Variants in TENM1 observed in about 807,000 individuals in gnomAD.
TENM1 encodes teneurin transmembrane protein 1, also known as teneurin-1.
Under a neutral mutation model 174.8 loss-of-function variants are expected in TENM1, and 35 were observed. The ratio of observed to expected loss-of-function variants is 0.20; its 90% CI spans 0.15 to 0.27. TENM1 has a LOEUF of 0.27. Ranked by LOEUF, TENM1 falls within the 10% of genes least tolerant of loss-of-function variation. TENM1 has a pLI of 1.00. For synonymous variants in TENM1, 781 were observed against 798.7 expected (o/e 0.98, Z 0.37); for missense variants, 1,633 against 2,130.1 (o/e 0.77, Z 4.59).
the TENM1 span, among the ~76,000 whole-genome samples, chrX:125,073,175 G>A: frequency 1.8e-5 from 2 of 110,920 alleles, no homozygotes; most frequent in African/African-American, 6.5e-5. Flanking sequence ...GAAAGAACCC[G>A]ATAACTTATG....
chrX:124,945,016 G>A (rs955344343), intron 1 of TENM1, among the ~76,000 whole-genome samples: 1 of 110,444 alleles, frequency 9.1e-6, no homozygotes, highest in African/African-American at 3.3e-5. Flanking sequence ...AAATCATATG[G>A]TCACCTAAAT....
At chrX:124,567,488 G>A (rs1233580065) in intron 11 of TENM1, among the ~76,000 whole-genome samples, 2 of 111,599 alleles carry the variant, frequency 1.8e-5, no homozygotes, top group Non-Finnish European at 3.8e-5. Context: ...AGTAAGGCAC[G>A]GGCAGAGAAG....
At chrX:125,094,654 G>A in the TENM1 span, among the ~76,000 whole-genome samples, 1 of 111,901 alleles carries the variant, frequency 8.9e-6, no homozygotes, top group Non-Finnish European at 1.9e-5. Context: ...AGCCCAATGT[G>A]GTGTTATGAT....
chrX:124,483,966 C>T (rs1013116367), intron 21 of TENM1, among the ~76,000 whole-genome samples: 3 of 111,638 alleles, frequency 2.7e-5, no homozygotes, highest in African/African-American at 9.8e-5. Context: ...TAGTTTTTAC[C>T]TAATGTTCTC....
the TENM1 span, among the ~76,000 whole-genome samples, chrX:125,092,420 A>G: frequency 2.7e-5 from 3 of 112,354 alleles, no homozygotes; most frequent in African/African-American, 6.5e-5. Flanking sequence ...AAGAAGTTGT[A>G]GAACTAATTT....
the TENM1 span, among the ~76,000 whole-genome samples, chrX:125,043,496 T>C: frequency 1.5e-4 from 11 of 72,777 alleles, no homozygotes; most frequent in African/African-American, 4.7e-4. Flanking sequence ...ATGGCAATCA[T>C]TAAAAAGTCA....
chrX:124,778,838 C>T (rs1371842940), intron 3 of TENM1, among the ~76,000 whole-genome samples: 1 of 112,022 alleles, frequency 8.9e-6, no homozygotes, highest in Non-Finnish European at 1.9e-5. Flanking sequence ...TGGTTTACTG[C>T]TTTATTTGAA....
At chrX:125,018,184 G>A in the TENM1 span, among the ~76,000 whole-genome samples, 516 of 111,590 alleles carry the variant, frequency 4.6e-3, no homozygotes, top group Admixed American at 0.01. Flanking sequence ...ATTCAAGGCA[G>A]TGAATTGTGC....
intron 27 of TENM1, among the ~76,000 whole-genome samples, chrX:124,393,369 C>T (rs768203009): frequency 9.1e-6 from 1 of 110,142 alleles, no homozygotes; most frequent in Admixed American, 9.7e-5. Context: ...TAGCTGATTA[C>T]AACACAATCA....
chrX:125,129,434 T>G, the TENM1 span, among the ~76,000 whole-genome samples: 1 of 112,128 alleles, frequency 8.9e-6, no homozygotes, highest in Non-Finnish European at 1.9e-5. Flanking sequence ...ATCCATCACC[T>G]CAAACATTTA....
the TENM1 span, among the ~76,000 whole-genome samples, chrX:124,987,525 T>C: frequency 2.7e-5 from 3 of 111,568 alleles, no homozygotes; most frequent in Non-Finnish European, 3.8e-5. Flanking sequence ...TATGATACAA[T>C]GATAAGTAAA....
chrX:124,800,333 T>C (rs757911469), intron 3 of TENM1, among the ~76,000 whole-genome samples: 1 of 111,571 alleles, frequency 9.0e-6, no homozygotes, highest in Non-Finnish European at 1.9e-5. Context: ...AGTCTTGGGA[T>C]GGTGTATGTG....
intron 23 of TENM1, among the ~76,000 whole-genome samples, chrX:124,427,418 G>A (rs1233753714): frequency 8.9e-6 from 1 of 112,353 alleles, no homozygotes; most frequent in Non-Finnish European, 1.9e-5. Context: ...TATTTTGTCT[G>A]TTTGTTTTCT....
At chrX:124,568,998 G>A (rs1352455809) in intron 11 of TENM1, among the ~76,000 whole-genome samples, 1 of 111,675 alleles carries the variant, frequency 9.0e-6, no homozygotes, top group African/African-American at 3.3e-5. Flanking sequence ...GAGCGCAGGA[G>A]TTTGAGAACA....
At chrX:124,781,704 C>T (rs778629377) in intron 3 of TENM1, among the ~76,000 whole-genome samples, 20 of 111,411 alleles carry the variant, frequency 1.8e-4, no homozygotes, top group Non-Finnish European at 3.6e-4. Flanking sequence ...TGTCTTATCC[C>T]TGATGCAAGT....
chrX:125,121,696 G>GTA, the TENM1 span, among the ~76,000 whole-genome samples: 1 of 111,871 alleles, frequency 8.9e-6, no homozygotes, highest in Admixed American at 9.5e-5. Flanking sequence ...CTTGGAGGTT[G>GTA]ACTCAGTTGT....
At chrX:124,480,538 C>T (rs1157530081) in intron 22 of TENM1, among the ~76,000 whole-genome samples, 1 of 111,879 alleles carries the variant, frequency 8.9e-6, no homozygotes, top group Non-Finnish European at 1.9e-5. Flanking sequence ...TACAGAACAG[C>T]GTTGTATAAT....
At chrX:124,626,688 T>C (rs762972841) in intron 11 of TENM1, among the ~76,000 whole-genome samples, 2 of 112,278 alleles carry the variant, frequency 1.8e-5, no homozygotes, top group Non-Finnish European at 3.8e-5. Context: ...AATCATTCCT[T>C]GGGAGCTGAA....
At chrX:124,506,961 G>A (rs1485822355) in intron 18 of TENM1, among the ~76,000 whole-genome samples, 5 of 111,756 alleles carry the variant, frequency 4.5e-5, no homozygotes, top group African/African-American at 1.3e-4. Flanking sequence ...CACTATGACA[G>A]CTGAGCCTCA....
Sources: allele counts gnomAD v4.1 joint callset (sites outside exome capture counted in the v4.1 genomes callset), GRCh38; gene constraint gnomAD v4.1.1; transcripts MANE v1.5; gene names NCBI Gene and HGNC (gene_info 2026-07-23, HGNC 2026-07-21).